BLK: variants seen among roughly 807,000 people sequenced by gnomAD.
BLK encodes tyrosine-protein kinase Blk.
A neutral mutation model predicts 61.8 loss-of-function variants in BLK; 64 were observed. The ratio of observed to expected loss-of-function variants is 1.03; its 90% CI spans 0.85 to 1.27. The LOEUF is 1.27. BLK is among the 50% of genes most tolerant of loss of function. The probability of loss-of-function intolerance (pLI) is 0.00; values close to 1 mark genes in which losing one functional copy is unlikely to be tolerated. For missense variants in BLK, 853 were observed against 660.5 expected (o/e 1.29, Z -3.19); for synonymous variants, 351 against 272.0 (o/e 1.29, Z -2.86).
intron 1 of BLK, among the ~76,000 whole-genome samples, chr8:11,503,593 A>G (rs1798648061): frequency 6.6e-6 from 1 of 152,084 alleles, no homozygotes; most frequent in African/African-American, 2.4e-5. Flanking sequence ...TGGCTGGGTG[A>G]TTTCCTGCCG....
intron 1 of BLK, among the ~76,000 whole-genome samples, chr8:11,531,928 G>C (rs188308372): frequency 6.2e-4 from 94 of 152,110 alleles, no homozygotes; most frequent in African/African-American, 2.2e-3. Context: ...GCACCATCTC[G>C]GCTCACTGCA....
chr8:11,515,670 T>C (rs1358053238), intron 1 of BLK, among the ~76,000 whole-genome samples: 1 of 152,182 alleles, frequency 6.6e-6, no homozygotes, highest in Admixed American at 6.5e-5. Context: ...TTCAAAGTTT[T>C]GTCTTTTCTA....
intron 3 of BLK, 132 bp downstream of exon 3, chr8:11,546,235 G>A: frequency 9.0e-7 from 1 of 1,107,462 alleles, no homozygotes; most frequent in Non-Finnish European, 1.4e-6. Flanking sequence ...AGCTGAGAGA[G>A]GCCCCGGCTC....
chr8:11,513,865 T>A (rs566308844), intron 1 of BLK, among the ~76,000 whole-genome samples: 1 of 152,152 alleles, frequency 6.6e-6, no homozygotes, highest in East Asian at 1.9e-4. Flanking sequence ...GGGCTTGGGG[T>A]AATGGAGCAG....
At chr8:11,518,198 G>A (rs1471035850) in intron 1 of BLK, among the ~76,000 whole-genome samples, 1 of 152,138 alleles carries the variant, frequency 6.6e-6, no homozygotes, top group Admixed American at 6.5e-5. Flanking sequence ...TTGGCTTGGC[G>A]GTCTTTCCCC....
intron 1 of BLK, among the ~76,000 whole-genome samples, chr8:11,524,739 G>C (rs140139261): frequency 1.3e-5 from 2 of 152,082 alleles, no homozygotes; most frequent in African/African-American, 4.8e-5. Flanking sequence ...TGGGGTGTGC[G>C]GCAGAAGAAG....
At chr8:11,503,602 C>T (rs1033862476) in intron 1 of BLK, among the ~76,000 whole-genome samples, 8 of 152,154 alleles carry the variant, frequency 5.3e-5, no homozygotes, top group East Asian at 1.9e-4. Context: ...GATTTCCTGC[C>T]GTGGACCAGG....
intron 3 of BLK, among the ~76,000 whole-genome samples, chr8:11,547,734 C>T (rs1226628491): frequency 6.6e-6 from 1 of 152,006 alleles, no homozygotes; most frequent in Non-Finnish European, 1.5e-5. Context: ...AGGCCACCAG[C>T]AGCCCGGCAG....
intron 2 of BLK, chr8:11,545,742 G>A (rs952112102): frequency 6.8e-6 from 3 of 441,330 alleles, no homozygotes; most frequent in Non-Finnish European, 1.2e-5. Context: ...GTTTGATCTT[G>A]TAATGGTAGA....
chr8:11,495,663 C>G (rs1271930750), intron 1 of BLK, among the ~76,000 whole-genome samples: 2 of 152,178 alleles, frequency 1.3e-5, no homozygotes, highest in African/African-American at 4.8e-5. Context: ...GAAAGACAGG[C>G]AAAGCGTCAC....
At chr8:11,516,518 T>C (rs151309036) in intron 1 of BLK, among the ~76,000 whole-genome samples, 1 of 152,340 alleles carries the variant, frequency 6.6e-6, no homozygotes, top group East Asian at 1.9e-4. Flanking sequence ...GTAGGTCTTA[T>C]GCATTTTCTA....
At position 11,504,412 on chromosome 8, in the gene BLK, A is replaced by AAAAGAAAAGAAAAGAAAAGAAAAG. The variant is rs149656194; in HGVS notation, c.-2+9824_-2+9825insGAAAAGAAAAGAAAAGAAAAGAAA. Among the ~76,000 whole-genome samples the AAAAGAAAAGAAAAGAAAAGAAAAG allele has an allele frequency of 7.9e-3, 1,106 of 140,396 alleles. 29 individuals are homozygous for AAAAGAAAAGAAAAGAAAAGAAAAG. The highest frequency in any genetic ancestry group is 0.027 in the African/African-American group (966 of 35,162). 92.1% of individuals were successfully genotyped at this position (140,396 alleles called of 152,430 possible). On this transcript the variant is annotated intron_variant, in intron 1 of 12. Coordinates refer to ENST00000259089, the MANE Select transcript of BLK (RefSeq NM_001715.3). ...AAAAGAAAAGAAAAGAAAAGAAAAG[A>AAAAGAAAAGAAAAGAAAAGAAAAG]AAAAAAAAAGAAAAGATCCCATTCA...
chr8:11,504,367 G>GGAAGGAAGAAAGAAAAGA (rs1554540059), intron 1 of BLK, among the ~76,000 whole-genome samples: 180 of 39,302 alleles, frequency 4.6e-3, no homozygotes, highest in Non-Finnish European at 9.3e-3. Flanking sequence ...AAGGAAGGAA[G>GGAAGGAAGAAAGAAAAGA]AAAGAAAAGA....
At chr8:11,558,376 A>G in intron 10 of BLK, 1 of 380,350 alleles carries the variant, frequency 2.6e-6, no homozygotes. Flanking sequence ...AGTTCCATTG[A>G]ACCCGGCAGG....
chr8:11,549,548 C>A (rs957574120), intron 5 of BLK, among the ~76,000 whole-genome samples: 1 of 152,196 alleles, frequency 6.6e-6, no homozygotes, highest in Non-Finnish European at 1.5e-5. Flanking sequence ...AATCCCCCAG[C>A]CCCCATCTTC....
chr8:11,536,677 A>G (rs1800146293), intron 1 of BLK, among the ~76,000 whole-genome samples: 1 of 152,212 alleles, frequency 6.6e-6, no homozygotes, highest in Non-Finnish European at 1.5e-5. Flanking sequence ...AAGTGCTGGG[A>G]TTACAGGCAT....
chr8:11,550,413 C>A, intron 6 of BLK, 151 bp downstream of exon 6: 1 of 765,874 alleles, frequency 1.3e-6, no homozygotes, highest in South Asian at 1.5e-5. Flanking sequence ...AGGCCCTGCC[C>A]GGGAGTTGAC....
At chr8:11,499,487 T>C (rs1328935389) in intron 1 of BLK, among the ~76,000 whole-genome samples, 1 of 152,104 alleles carries the variant, frequency 6.6e-6, no homozygotes, top group Non-Finnish European at 1.5e-5. Context: ...GAATCTCATT[T>C]CCTGAGTCAG....
At chr8:11,514,457 T>C (rs1444776985) in intron 1 of BLK, among the ~76,000 whole-genome samples, 2 of 152,206 alleles carry the variant, frequency 1.3e-5, no homozygotes, top group Non-Finnish European at 2.9e-5. Flanking sequence ...CAGCAGGCCA[T>C]CCCAGGTCTC....
Sources: allele counts gnomAD v4.1 joint callset (sites outside exome capture counted in the v4.1 genomes callset), GRCh38; gene constraint gnomAD v4.1.1; transcripts MANE v1.5; gene names NCBI Gene and HGNC (gene_info 2026-07-23, HGNC 2026-07-21).